Variants in FOCAD observed in about 807,000 individuals in gnomAD.
The protein encoded by FOCAD is focadhesin.
Under a neutral mutation model 225.6 loss-of-function variants are expected in FOCAD, and 198 were observed. The observed-to-expected ratio is 0.88, with a 90% confidence interval of 0.78 to 0.99. The LOEUF (loss-of-function observed/expected upper bound fraction) is 0.99. FOCAD is among the 50% of genes least tolerant of loss of function. The pLI is 0.00. For missense variants in FOCAD, 2,713 were observed against 2,123.6 expected, an observed-to-expected ratio of 1.28 and a Z score of -5.46; for synonymous variants, 897 against 755.0, an observed-to-expected ratio of 1.19 and a Z score of -3.08.
intron 28 of FOCAD, among the ~76,000 whole-genome samples, chr9:20,938,835 A>G (rs1836309804): frequency 6.6e-6 from 1 of 152,116 alleles, no homozygotes; most frequent in Admixed American, 6.6e-5. Context: ...TATTTATTAC[A>G]AATATTTTTC....
Position 20,794,530 on chromosome 9 carries a change from A to G in FOCAD, c.1455+4922A>G, listed in dbSNP as rs142205782. Among the ~76,000 whole-genome samples, 572 of 152,282 alleles carry G rather than the reference A, an allele frequency of 3.8e-3. 6 individuals carry two copies. Among genetic ancestry groups the G allele is most frequent in the East Asian group, 0.026 (134 of 5,176 alleles). On this transcript the variant is annotated intron_variant, in intron 11 of 43. Transcript: ENST00000338382. ...AGAAAATGAAGGATGGAAACTTAAA[A>G]CACACCAGAAAACTCTTTCCCTGAG... is the stretch of plus-strand genomic sequence containing the variant.
chr9:20,813,390 A>G (rs775475737), intron 11 of FOCAD, among the ~76,000 whole-genome samples: 2 of 152,130 alleles, frequency 1.3e-5, no homozygotes, highest in Non-Finnish European at 2.9e-5. Flanking sequence ...AAGATCGATC[A>G]TAGAGTAGAT....
At position 20,794,966 on chromosome 9, in the gene FOCAD, GCAAA is replaced by G. The variant is rs148651500; in HGVS notation, c.1455+5361_1455+5364del. ...CATACAAAATTGAAAACGAATCTAAGCAAACAGAGAAGAAATATTGAATGATATC... is the reference window on the plus strand; with the variant it reads ...CATACAAAATTGAAAACGAATCTAAGCAGAGAAGAAATATTGAATGATATC... On this transcript the variant is annotated intron_variant, in intron 11 of 43. Coordinates refer to ENST00000338382, the MANE Select transcript of FOCAD (RefSeq NM_001375567.1). Among the ~76,000 whole-genome samples, 333 of 152,162 alleles carry G rather than the reference GCAAA, an allele frequency of 2.2e-3. 5 individuals are homozygous for G. The East Asian group carries it at 0.037, about 17-fold the overall frequency.
intron 4 of FOCAD, among the ~76,000 whole-genome samples, chr9:20,727,988 G>T (rs1826348727): frequency 6.6e-6 from 1 of 152,160 alleles, no homozygotes; most frequent in South Asian, 2.1e-4. Context: ...GCATACGTGA[G>T]CAGTGTTTAG....
intron 7 of FOCAD, among the ~76,000 whole-genome samples, chr9:20,766,989 C>A (rs1456514889): frequency 6.6e-6 from 1 of 152,052 alleles, no homozygotes; most frequent in Non-Finnish European, 1.5e-5. Flanking sequence ...CCCACCCCAC[C>A]ACAGTCCCCA....
At chr9:20,879,722 A>T (rs2131828800) in intron 19 of FOCAD, among the ~76,000 whole-genome samples, 1 of 152,334 alleles carries the variant, frequency 6.6e-6, no homozygotes, top group Admixed American at 6.5e-5. Context: ...TCTAGTTGCT[A>T]ACTTAGTATT....
chr9:20,851,481 C>A (rs1033332455), intron 15 of FOCAD, among the ~76,000 whole-genome samples: 5 of 151,770 alleles, frequency 3.3e-5, no homozygotes, highest in Non-Finnish European at 7.4e-5. Context: ...GATATTGGAA[C>A]AATTCAAGTC....
chr9:20,714,906 G>C (rs1825208915), intron 1 of FOCAD, among the ~76,000 whole-genome samples: 1 of 152,114 alleles, frequency 6.6e-6, no homozygotes, highest in Non-Finnish European at 1.5e-5. Flanking sequence ...AGTTGGATTA[G>C]TGCTTAGATG....
intron 5 of FOCAD, among the ~76,000 whole-genome samples, chr9:20,754,506 A>G (rs1587026709): frequency 6.6e-6 from 1 of 150,692 alleles, no homozygotes; most frequent in Non-Finnish European, 1.5e-5. Context: ...TCGATTAACT[A>G]CTTTTCATTC....
intron 35 of FOCAD, among the ~76,000 whole-genome samples, chr9:20,973,504 C>G (rs1019183270): frequency 1.3e-5 from 2 of 150,834 alleles, no homozygotes; most frequent in African/African-American, 2.4e-5. Context: ...TTTGCTGACT[C>G]TGCCCTACTT....
intron 4 of FOCAD, among the ~76,000 whole-genome samples, chr9:20,732,202 A>G (rs1014574361): frequency 5.3e-5 from 8 of 152,178 alleles, no homozygotes; most frequent in African/African-American, 1.7e-4. Context: ...TTTGGTTTCA[A>G]TGGAGAGATT....
At chr9:20,889,550 A>G (rs928253236) in intron 21 of FOCAD, among the ~76,000 whole-genome samples, 19 of 152,106 alleles carry the variant, frequency 1.2e-4, no homozygotes, top group Non-Finnish European at 2.5e-4. Context: ...ACTTGCCCAT[A>G]TATGTTTGGG....
chr9:20,981,767 A>G (rs1840722320), intron 38 of FOCAD, 81 bp downstream of exon 38: 4 of 1,465,552 alleles, frequency 2.7e-6, no homozygotes, highest in Non-Finnish European at 3.7e-6. Context: ...GGGGAGGTGT[A>G]TGTTTTAAGA....
At chr9:20,784,437 TAA>T (rs1414326789) in intron 10 of FOCAD, among the ~76,000 whole-genome samples, 12 of 152,134 alleles carry the variant, frequency 7.9e-5, no homozygotes, top group Non-Finnish European at 1.6e-4. Context: ...AGCTGAGAGG[TAA>T]CACATTGAGT....
Position 20,781,968 on chromosome 9 carries a change from G to C in FOCAD, c.1197+39G>C, listed in dbSNP as rs77558601. 5.1e-4 allele frequency: 811 copies of C among 1,579,308 alleles called. 9 individuals carry two copies. The African/African-American group carries it at 9.6e-3, about 19-fold the overall frequency. ...CCTTGTTTCTCTTAAATAAAGTGTCGATGTGGGATTTCGGTCTTTACGGAT... is the reference window on the plus strand; with the variant it reads ...CCTTGTTTCTCTTAAATAAAGTGTCCATGTGGGATTTCGGTCTTTACGGAT... On this transcript the variant is annotated intron_variant, in intron 10 of 43. Coordinates refer to ENST00000338382, the MANE Select transcript of FOCAD (RefSeq NM_001375567.1).
intron 1 of FOCAD, among the ~76,000 whole-genome samples, chr9:20,694,190 G>A (rs373235061): frequency 6.6e-6 from 1 of 152,172 alleles, no homozygotes; most frequent in Non-Finnish European, 1.5e-5. Flanking sequence ...ACAAAGCAAA[G>A]CTGAAACAGG....
Position 20,845,457 on chromosome 9 carries a change from A to G in FOCAD, c.1921-17121A>G, listed in dbSNP as rs183345324. Among the ~76,000 whole-genome samples the G allele has an allele frequency of 3.8e-3, 570 of 148,222 alleles. 12 individuals carry two copies. The highest frequency in any genetic ancestry group is 0.014 in the African/African-American group (550 of 40,478). ...TCTTTTCCTCGATATATATATATAT[A>G]TATATATATGACACGTGGTATATCA... On this transcript the variant is annotated intron_variant, in intron 15 of 43. Transcript: ENST00000338382.
chr9:20,733,581 C>A (rs1003796830), intron 4 of FOCAD, among the ~76,000 whole-genome samples: 1 of 152,102 alleles, frequency 6.6e-6, no homozygotes, highest in African/African-American at 2.4e-5. Context: ...TGTTCAATTC[C>A]CATCTATGAG....
At chr9:20,799,527 G>T (rs559309216) in intron 11 of FOCAD, among the ~76,000 whole-genome samples, 10 of 151,980 alleles carry the variant, frequency 6.6e-5, no homozygotes, top group African/African-American at 1.2e-4. Flanking sequence ...GAATCTGGGC[G>T]CTCCTGTATT....
Sources: gnomAD v4.1 joint callset for allele counts (sites outside exome capture counted in the v4.1 genomes callset) on GRCh38, gnomAD v4.1.1 for gene constraint, MANE v1.5 for transcripts, NCBI Gene and HGNC (gene_info 2026-07-23, HGNC 2026-07-21) for gene names.